Variants in DCLK1 observed in about 807,000 individuals in gnomAD.
DCLK1 encodes the protein serine/threonine-protein kinase DCLK1.
DCLK1 carries 16 observed loss-of-function variants against 86.2 expected under a neutral mutation model. That is an observed-to-expected ratio of 0.19 (90% CI 0.13 to 0.28). DCLK1 has a LOEUF of 0.28. Ranked by LOEUF, DCLK1 falls within the 10% of genes least tolerant of loss-of-function variation. The probability of loss-of-function intolerance (pLI) is 1.00; values close to 1 mark genes in which losing one functional copy is unlikely to be tolerated. For synonymous variants in DCLK1, 369 were observed against 370.5 expected (o/e 1.00, Z 0.05); for missense variants, 590 against 940.2 (o/e 0.63, Z 4.87).
chr13:36,099,192 T>C (rs1417351096), intron 3 of DCLK1, among the ~76,000 whole-genome samples: 1 of 152,168 alleles, frequency 6.6e-6, no homozygotes, highest in African/African-American at 2.4e-5. Flanking sequence ...GGTCTCAAAC[T>C]CCTGACCTCA....
intron 3 of DCLK1, among the ~76,000 whole-genome samples, chr13:35,984,398 A>G (rs1879802709): frequency 6.6e-6 from 1 of 152,192 alleles, no homozygotes; most frequent in African/African-American, 2.4e-5. Context: ...GGGTGCCTCC[A>G]CCTTGGGCAG....
At chr13:35,943,012 G>T (rs1373567065) in intron 4 of DCLK1, among the ~76,000 whole-genome samples, 2 of 152,138 alleles carry the variant, frequency 1.3e-5, no homozygotes, top group South Asian at 2.1e-4. Flanking sequence ...GTTGAATTTT[G>T]TTCCCCAAAA....
At chr13:35,847,573 C>G in intron 6 of DCLK1, 1 of 956,046 alleles carries the variant, frequency 1.0e-6, no homozygotes, top group Non-Finnish European at 1.2e-6. Context: ...TATATTCATT[C>G]ACTTTCATTA....
At chr13:35,960,182 TC>T (rs1292314431) in intron 3 of DCLK1, among the ~76,000 whole-genome samples, 2 of 152,118 alleles carry the variant, frequency 1.3e-5, no homozygotes, top group African/African-American at 4.8e-5. Flanking sequence ...CTTCCCTTTC[TC>T]CCCCCTTAAT....
chr13:35,939,241 A>C (rs1876950403), intron 4 of DCLK1, among the ~76,000 whole-genome samples: 1 of 152,200 alleles, frequency 6.6e-6, no homozygotes, highest in African/African-American at 2.4e-5. Context: ...CAAAACAGAC[A>C]AAAGCTCCCA....
At chr13:35,947,318 C>T (rs1877438343) in intron 4 of DCLK1, 40 bp downstream of exon 4, 1 of 1,566,404 alleles carries the variant, frequency 6.4e-7, no homozygotes, top group East Asian at 2.3e-5. Context: ...TCGAAAGCTG[C>T]CTCAAATTTC....
At chr13:36,035,729 G>C (rs1882465035) in intron 3 of DCLK1, among the ~76,000 whole-genome samples, 1 of 152,044 alleles carries the variant, frequency 6.6e-6, no homozygotes, top group Non-Finnish European at 1.5e-5. Flanking sequence ...TGTTGCAAAA[G>C]GAATTCAGGT....
At chr13:35,874,623 GA>G (rs1380413154) in intron 4 of DCLK1, among the ~76,000 whole-genome samples, 16 of 151,894 alleles carry the variant, frequency 1.1e-4, no homozygotes, top group Non-Finnish European at 1.5e-5. Flanking sequence ...TTAAAAAAAA[GA>G]AAAAAATCTA....
chr13:36,010,067 A>G (rs1359021816), intron 3 of DCLK1, among the ~76,000 whole-genome samples: 4 of 43,396 alleles, frequency 9.2e-5, no homozygotes, highest in Non-Finnish European at 1.8e-4. Flanking sequence ...ATTTTTGTAC[A>G]TTGATTTTGT....
rs749567335 is a variant in DCLK1 at position 35,918,892 on chromosome 13, G to GTTTTTTTTTTTTTTTTTTTTTTTTTT, written c.823+28465_823+28466insAAAAAAAAAAAAAAAAAAAAAAAAAA. Among the ~76,000 whole-genome samples the GTTTTTTTTTTTTTTTTTTTTTTTTTT allele has an allele frequency of 3.9e-5, 3 of 76,310 alleles. 1 individual carries two copies. Among genetic ancestry groups the GTTTTTTTTTTTTTTTTTTTTTTTTTT allele is most frequent in the African/African-American group, 1.3e-4 (3 of 22,592 alleles). 50.1% of individuals were successfully genotyped at this position (76,310 alleles called of 152,430 possible). On this transcript the variant is annotated intron_variant, in intron 4 of 16. Coordinates refer to ENST00000360631, the MANE Select transcript of DCLK1 (RefSeq NM_001330071.2). The stretch of plus-strand genomic sequence containing the variant: ...AAAAAGAAATCTTCCTTCTGAGTGT[G>GTTTTTTTTTTTTTTTTTTTTTTTTTT]TTTTTTTTTTTTTTTTTGGAAACGG...
chr13:35,879,185 A>G (rs762328021), intron 4 of DCLK1, among the ~76,000 whole-genome samples: 2 of 152,232 alleles, frequency 1.3e-5, no homozygotes, highest in Non-Finnish European at 2.9e-5. Context: ...ACTGGAGAGT[A>G]AAGTCCCGGA....
intron 3 of DCLK1, among the ~76,000 whole-genome samples, chr13:36,028,943 C>A (rs1443175907): frequency 1.3e-5 from 2 of 152,172 alleles, no homozygotes; most frequent in East Asian, 3.9e-4. Flanking sequence ...CCGGGAATTG[C>A]CCACCCCTTT....
chr13:36,031,749 CT>C (rs1238532040), intron 3 of DCLK1, among the ~76,000 whole-genome samples: 1 of 152,208 alleles, frequency 6.6e-6, no homozygotes, highest in Non-Finnish European at 1.5e-5. Flanking sequence ...TTCTGATCCC[CT>C]ATGCGATTTG....
At chr13:35,884,830 AGGTAAGGGTAC>A (rs1873131783) in intron 4 of DCLK1, among the ~76,000 whole-genome samples, 1 of 152,192 alleles carries the variant, frequency 6.6e-6, no homozygotes, top group East Asian at 1.9e-4. Flanking sequence ...CATTCACAGA[AGGTAAGGGTAC>A]TGTTTTGGAT....
At chr13:35,936,694 G>A (rs965278149) in intron 4 of DCLK1, among the ~76,000 whole-genome samples, 16 of 152,286 alleles carry the variant, frequency 1.1e-4, no homozygotes, top group African/African-American at 3.6e-4. Context: ...ACTGAAGGAG[G>A]CTTGGCTGTA....
chr13:36,101,224 G>A (rs1180942020), intron 3 of DCLK1, among the ~76,000 whole-genome samples: 5 of 152,088 alleles, frequency 3.3e-5, no homozygotes, highest in African/African-American at 4.8e-5. Context: ...TCTCTTCCTC[G>A]GGATCCGTGT....
chr13:35,941,266 A>G (rs1176389586), intron 4 of DCLK1, among the ~76,000 whole-genome samples: 4 of 152,158 alleles, frequency 2.6e-5, no homozygotes, highest in African/African-American at 9.7e-5. Context: ...CTATTTTCTT[A>G]TCACCCAGAA....
intron 4 of DCLK1, among the ~76,000 whole-genome samples, chr13:35,926,012 T>G (rs551580182): frequency 1.3e-5 from 2 of 152,292 alleles, no homozygotes; most frequent in Admixed American, 6.5e-5. Context: ...GTTACACATA[T>G]TAACAGTCTC....
At chr13:36,115,062 G>T (rs906682375) in intron 2 of DCLK1, among the ~76,000 whole-genome samples, 2 of 152,142 alleles carry the variant, frequency 1.3e-5, no homozygotes, top group Admixed American at 6.6e-5. Flanking sequence ...GCTACTTGGG[G>T]GGCTGAGGTG....
Sources: gnomAD v4.1 joint callset for allele counts (sites outside exome capture counted in the v4.1 genomes callset) on GRCh38, gnomAD v4.1.1 for gene constraint, MANE v1.5 for transcripts, NCBI Gene and HGNC (gene_info 2026-07-23, HGNC 2026-07-21) for gene names.